The following UQCRH variants were observed in gnomAD, a reference collection of about 807,000 sequenced individuals.
UQCRH encodes ubiquinol-cytochrome c reductase hinge protein, also known as cytochrome b-c1 complex subunit 6, mitochondrial.
Under a neutral mutation model 16.3 loss-of-function variants are expected in UQCRH, and 14 were observed. The ratio of observed to expected loss-of-function variants is 0.86; its 90% CI spans 0.57 to 1.34. The LOEUF (loss-of-function observed/expected upper bound fraction) is 1.34. Ranked by LOEUF, UQCRH falls within the 40% of genes most tolerant of loss-of-function variation. The pLI is 0.00. For synonymous variants in UQCRH, 41 were observed against 41.9 expected (o/e 0.98, Z 0.08); for missense variants, 89 against 111.9 (o/e 0.80, Z 0.92).
chr1:46,316,175 T>G (rs569660943), intron 3 of UQCRH, among the ~76,000 whole-genome samples: 1 of 152,356 alleles, frequency 6.6e-6, no homozygotes, highest in East Asian at 1.9e-4. Flanking sequence ...AGGCATGTTT[T>G]GTTACAGTTA....
At chr1:46,311,970 C>T (rs1331468328) in intron 3 of UQCRH, among the ~76,000 whole-genome samples, 2 of 151,104 alleles carry the variant, frequency 1.3e-5, no homozygotes, top group African/African-American at 4.9e-5. Flanking sequence ...TGCTCTGTCA[C>T]CCAGGCTGGA....
chr1:46,304,865 T>A (rs1308159572), intron 1 of UQCRH, among the ~76,000 whole-genome samples: 6 of 152,206 alleles, frequency 3.9e-5, no homozygotes, highest in African/African-American at 9.7e-5. Flanking sequence ...AGGACTCTTA[T>A]CAATTTTGCG....
chr1:46,305,339 G>T (rs1220505574), intron 1 of UQCRH, among the ~76,000 whole-genome samples: 1 of 149,366 alleles, frequency 6.7e-6, no homozygotes, highest in Non-Finnish European at 1.5e-5. Flanking sequence ...AAGAAATGGA[G>T]CCTGCCTCAG....
intron 3 of UQCRH, among the ~76,000 whole-genome samples, chr1:46,313,274 CTGAGCCCAGGAATT>C (rs1366192198): frequency 6.6e-6 from 1 of 152,020 alleles, no homozygotes; most frequent in Non-Finnish European, 1.5e-5. Context: ...GGCAGATCAC[CTGAGCCCAGGAATT>C]TGAGACCAGC....
chr1:46,314,036 A>T (rs1052959513), intron 3 of UQCRH, among the ~76,000 whole-genome samples: 4 of 152,172 alleles, frequency 2.6e-5, no homozygotes, highest in African/African-American at 9.7e-5. Flanking sequence ...AGATTTTTTT[A>T]AAATGTGCTT....
chr1:46,306,953 A>G (rs2148333093), intron 1 of UQCRH, among the ~76,000 whole-genome samples: 2 of 152,282 alleles, frequency 1.3e-5, no homozygotes, highest in South Asian at 2.1e-4. Flanking sequence ...TGGTACAGTC[A>G]TAGCTCACTG....
Position 46,303,709 on chromosome 1 carries a change from T to A in UQCRH, c.-58T>A, listed in dbSNP as rs1170659783. 1 of 1,613,066 alleles carries A rather than the reference T, an allele frequency of 6.2e-7. No individual in the cohort carries two copies. Among genetic ancestry groups the A allele is most frequent in the South Asian group, 1.1e-5 (1 of 90,978 alleles). On this transcript the variant is annotated 5_prime_UTR_variant, in exon 1 of 4. Coordinates refer to ENST00000311672, the MANE Select transcript of UQCRH (RefSeq NM_006004.4). ...GACCCTTACAAGTCCTTCTTGATCCTGAACTGGGTTAGGTGCCGCTGTTGC... is the reference window on the plus strand; with the variant it reads ...GACCCTTACAAGTCCTTCTTGATCCAGAACTGGGTTAGGTGCCGCTGTTGC...
rs1661593795 is a variant in UQCRH, at chr1:46,316,642, T to A, written c.*58T>A. 6.2e-7 allele frequency: 1 copy of A among 1,605,320 alleles called. No homozygotes were observed. The highest frequency in any genetic ancestry group is 8.5e-7 in the Non-Finnish European group (1 of 1,177,272). ...ATCTGGGCATCAGAATATTTCCTTA[T>A]GGTTTTGGATGTACCATTTGTTTCT... is the stretch of plus-strand genomic sequence containing the variant. On this transcript the variant is annotated 3_prime_UTR_variant, in exon 4 of 4. Transcript: ENST00000311672.
chr1:46,311,317 T>G (rs975637158), intron 3 of UQCRH, among the ~76,000 whole-genome samples: 3 of 98,920 alleles, frequency 3.0e-5, no homozygotes, highest in Non-Finnish European at 4.4e-5. Flanking sequence ...ATCCCAGCAC[T>G]TTGGGAGGCG....
In UQCRH at chr1:46,316,674, T is replaced by C. The variant is rs928068575; in HGVS notation, c.*90T>C. 14 of 1,582,634 alleles carry C rather than the reference T, an allele frequency of 8.8e-6. No individual in the cohort carries two copies. The highest frequency in any genetic ancestry group is 1.2e-5 in the Non-Finnish European group (14 of 1,163,170). On this transcript the variant is annotated 3_prime_UTR_variant, in exon 4 of 4. Coordinates refer to ENST00000311672, the MANE Select transcript of UQCRH (RefSeq NM_006004.4). ...GGATGTACCATTTGTTTCTTATTTG[T>C]GTAACTGTAAGTTCACATGAACCTC...
At chr1:46,312,067 A>G (rs929147298) in intron 3 of UQCRH, among the ~76,000 whole-genome samples, 1 of 149,726 alleles carries the variant, frequency 6.7e-6, no homozygotes, top group African/African-American at 2.5e-5. Flanking sequence ...AGCCAGGACT[A>G]TAGGCACATG....
Position 46,309,411 on chromosome 1 carries a change from G to A in UQCRH, c.81+284G>A, listed in dbSNP as rs535667746. 22 of 394,470 alleles carry A rather than the reference G, an allele frequency of 5.6e-5. No homozygotes were observed. The South Asian group carries it at 1.1e-3, about 19-fold the overall frequency. 24.4% of individuals were successfully genotyped at this position (394,470 alleles called of 1,614,324 possible). Reference sequence around the variant, plus strand: ...TTTGTGGTTTAATAAAGAACTTTGGGCTAGGCATGGTGGCTCGTGCCTGTA... The same window carrying A: ...TTTGTGGTTTAATAAAGAACTTTGGACTAGGCATGGTGGCTCGTGCCTGTA... On this transcript the variant is annotated intron_variant, in intron 2 of 3. Coordinates refer to ENST00000311672, the MANE Select transcript of UQCRH (RefSeq NM_006004.4).
At chr1:46,309,006 G>A (rs1661421801) in intron 1 of UQCRH, 95 bp from the exon 2 acceptor site, 1 of 1,353,268 alleles carries the variant, frequency 7.4e-7, no homozygotes, top group African/African-American at 1.5e-5. Context: ...ATCGTTAATA[G>A]TGTCAGTGTC....
At chr1:46,306,531 G>A (rs185797224) in intron 1 of UQCRH, among the ~76,000 whole-genome samples, 13 of 151,934 alleles carry the variant, frequency 8.6e-5, no homozygotes, top group Non-Finnish European at 1.9e-4. Flanking sequence ...GTGCCATCAC[G>A]CCCAGCTAAT....
At chr1:46,311,780 G>T (rs962718549) in intron 3 of UQCRH, among the ~76,000 whole-genome samples, 5 of 149,954 alleles carry the variant, frequency 3.3e-5, no homozygotes, top group African/African-American at 9.8e-5. Context: ...GTTTTTTTTT[G>T]TTTGTTTGTT....
intron 2 of UQCRH, 112 bp from the exon 3 acceptor site, chr1:46,310,043 C>T (rs982262013): frequency 1.6e-5 from 25 of 1,550,490 alleles, no homozygotes; most frequent in Admixed American, 1.9e-5. Context: ...GCCTTCTGCA[C>T]GGTAATTCAG....
chr1:46,311,964 C>G (rs1261475477), intron 3 of UQCRH, among the ~76,000 whole-genome samples: 1 of 149,712 alleles, frequency 6.7e-6, no homozygotes, highest in East Asian at 2.0e-4. Context: ...CTTGCTTGCT[C>G]TGTCACCCAG....
chr1:46,312,577 C>A (rs947588198), intron 3 of UQCRH, among the ~76,000 whole-genome samples: 1 of 151,722 alleles, frequency 6.6e-6, no homozygotes, highest in African/African-American at 2.4e-5. Context: ...TAAAAGTAAA[C>A]TCAGGCAGGG....
At position 46,303,826 on chromosome 1, in the gene UQCRH, G is replaced by A. The variant is rs1661304971; in HGVS notation, c.54+6G>A. 6.2e-7 allele frequency: 1 copy of A among 1,614,176 alleles called. No individual in the cohort carries two copies. The highest frequency in any genetic ancestry group is 1.3e-5 in the African/African-American group (1 of 75,046). Reference sequence around the variant, plus strand: ...AATCCGGAGATCCTGAGGAGGTAAGGCAAGGCGATCCACTCGGCCCTCTTC... The same window carrying A: ...AATCCGGAGATCCTGAGGAGGTAAGACAAGGCGATCCACTCGGCCCTCTTC... On this transcript the variant is annotated splice_donor_region_variant and intron_variant, in intron 1 of 3. Transcript: ENST00000311672.
Sources: gnomAD v4.1 joint callset for allele counts (sites outside exome capture counted in the v4.1 genomes callset) on GRCh38, gnomAD v4.1.1 for gene constraint, MANE v1.5 for transcripts, NCBI Gene and HGNC (gene_info 2026-07-23, HGNC 2026-07-21) for gene names.